Variants in AVEN observed in about 807,000 individuals in gnomAD.
AVEN encodes cell death regulator Aven.
A neutral mutation model predicts 38.1 loss-of-function variants in AVEN; 41 were observed. That is an observed-to-expected ratio of 1.08 (90% CI 0.84 to 1.40). The LOEUF is 1.40. Among genes scored for constraint, AVEN ranks in the 40% most tolerant of loss-of-function variants. AVEN has a pLI of 0.00. For synonymous variants in AVEN, 206 were observed against 171.8 expected, an observed-to-expected ratio of 1.20 and a Z score of -1.56; for missense variants, 605 against 438.8, an observed-to-expected ratio of 1.38 and a Z score of -3.38.
chr15:33,860,277 A>AG (rs1165995962), intron 11 of AVEN, among the ~76,000 whole-genome samples: 3 of 152,172 alleles, frequency 2.0e-5, no homozygotes, highest in South Asian at 2.1e-4. Flanking sequence ...CTAGGAGAAG[A>AG]GGGAGAGCCT....
downstream of AVEN, among the ~76,000 whole-genome samples, chr15:33,862,783 G>A (rs184432137): frequency 6.6e-6 from 1 of 152,012 alleles, no homozygotes; most frequent in Non-Finnish European, 1.5e-5. Flanking sequence ...GCTAATTTTT[G>A]TATTTTTAGT....
intron 2 of AVEN, among the ~76,000 whole-genome samples, chr15:34,000,917 A>G (rs1385106878): frequency 6.6e-6 from 1 of 152,202 alleles, no homozygotes; most frequent in East Asian, 1.9e-4. Flanking sequence ...AGAAAAATAC[A>G]TGAGAGACTC....
At chr15:33,863,481 C>G (rs1031605001), downstream of AVEN, among the ~76,000 whole-genome samples, 2 of 152,066 alleles carry the variant, frequency 1.3e-5, no homozygotes, top group African/African-American at 4.8e-5. Flanking sequence ...AATCCTTTTC[C>G]GGAAGGGCAA....
intron 2 of AVEN, among the ~76,000 whole-genome samples, chr15:33,997,996 A>G (rs1292837645): frequency 6.6e-6 from 1 of 152,094 alleles, no homozygotes. Context: ...TTCCTTGACA[A>G]CTATTTCTTA....
At chr15:33,968,381 C>A (rs1895479378) in intron 2 of AVEN, among the ~76,000 whole-genome samples, 1 of 152,112 alleles carries the variant, frequency 6.6e-6, no homozygotes, top group Non-Finnish European at 1.5e-5. Context: ...TCCTTTCTTT[C>A]TTCCTTTCAG....
At chr15:34,013,467 TTGTC>T (rs1353263706) in intron 1 of AVEN, among the ~76,000 whole-genome samples, 3 of 152,226 alleles carry the variant, frequency 2.0e-5, no homozygotes, top group Non-Finnish European at 2.9e-5. Context: ...ATTGTTACAT[TTGTC>T]TGTCCTGCAA....
intron 5 of AVEN, among the ~76,000 whole-genome samples, chr15:34,055,797 T>A (rs1164600305): frequency 6.6e-6 from 1 of 151,954 alleles, no homozygotes; most frequent in East Asian, 1.9e-4. Context: ...CAAGACTCTG[T>A]CACAAAAAAT....
intron 1 of AVEN, among the ~76,000 whole-genome samples, chr15:34,026,084 T>C (rs959695689): frequency 6.6e-6 from 1 of 152,254 alleles, no homozygotes; most frequent in Non-Finnish European, 1.5e-5. Flanking sequence ...ACATAATCCC[T>C]ATATTTTCTC....
intron 2 of AVEN, among the ~76,000 whole-genome samples, chr15:33,973,767 A>G (rs1173962377): frequency 6.6e-6 from 1 of 152,222 alleles, no homozygotes; most frequent in Non-Finnish European, 1.5e-5. Flanking sequence ...TGAGGGCCTT[A>G]AGAGTAAAGA....
intron 5 of AVEN, among the ~76,000 whole-genome samples, 191 bp from the exon 6 acceptor site, chr15:33,866,919 T>TCA (rs1890588507): frequency 6.6e-6 from 1 of 151,916 alleles, no homozygotes; most frequent in South Asian, 2.1e-4. Flanking sequence ...AAGTTGAACT[T>TCA]CACACCTTGC....
At chr15:34,057,152 T>TG (rs1282085836) in intron 5 of AVEN, among the ~76,000 whole-genome samples, 1 of 151,454 alleles carries the variant, frequency 6.6e-6, no homozygotes, top group Non-Finnish European at 1.5e-5. Context: ...GTTTTTTTTT[T>TG]TAGGTGGAGT....
rs1025802940 is a variant in AVEN at position 33,877,575 on chromosome 15, G to A, written c.446-1580C>T. On this transcript the variant is annotated intron_variant, in intron 2 of 5. Transcript: ENST00000306730. The stretch of plus-strand genomic sequence containing the variant: ...CACGCCTACAATCCCAGCACTTCGG[G>A]AAGCCGAGGAGGGTGGATCACTTGA... Among the ~76,000 whole-genome samples, 18 of 152,374 alleles carry A rather than the reference G, an allele frequency of 1.2e-4. No homozygotes were observed. In the East Asian group the frequency reaches 1.9e-3, roughly 16 times the overall value.
intron 4 of AVEN, among the ~76,000 whole-genome samples, chr15:33,869,452 G>C (rs918742819): frequency 7.9e-5 from 12 of 152,052 alleles, no homozygotes; most frequent in African/African-American, 2.9e-4. Flanking sequence ...TTTCCCTGGT[G>C]AGTTCTGCTA....
chr15:33,866,797 T>G (rs1039245779), intron 5 of AVEN, 69 bp from the exon 6 acceptor site: 4 of 1,107,378 alleles, frequency 3.6e-6, no homozygotes, highest in Non-Finnish European at 5.4e-6. Flanking sequence ...TTCAGCCCAA[T>G]TTATTACTTT....
At chr15:33,980,028 A>G (rs182423271) in intron 2 of AVEN, among the ~76,000 whole-genome samples, 1 of 152,324 alleles carries the variant, frequency 6.6e-6, no homozygotes, top group African/African-American at 2.4e-5. Context: ...TAAAGGAAAA[A>G]AAAGAATGAG....
At chr15:34,005,686 A>C (rs1370980789) in intron 1 of AVEN, among the ~76,000 whole-genome samples, 1 of 152,218 alleles carries the variant, frequency 6.6e-6, no homozygotes, top group Admixed American at 6.5e-5. Context: ...TTGTTTGTGC[A>C]GTGTTATTTG....
At chr15:33,989,433 T>A (rs1042069154) in intron 2 of AVEN, among the ~76,000 whole-genome samples, 1 of 147,764 alleles carries the variant, frequency 6.8e-6, no homozygotes. Flanking sequence ...TTCTAACAGC[T>A]GGTTTTGTTT....
chr15:33,983,172 A>G lies in AVEN; in HGVS notation c.445+19860T>C, dbSNP rs11633070. 5.2e-3 allele frequency among the ~76,000 whole-genome samples: 487 copies of G among 93,364 alleles called. 1 individual carries two copies. The highest frequency in any genetic ancestry group is 0.029 in the African/African-American group (434 of 15,202). The allele number at this position is 93,364 out of a possible 152,430, so 61.3% of individuals were successfully genotyped here. On this transcript the variant is annotated intron_variant, in intron 2 of 5. Coordinates refer to ENST00000306730, the MANE Select transcript of AVEN (RefSeq NM_020371.3). ...TGTGTGTGTGTGTATGTGTGTGTGTATATATACACACGTGTGTGTATGTGT... is the reference window on the plus strand; with the variant it reads ...TGTGTGTGTGTGTATGTGTGTGTGTGTATATACACACGTGTGTGTATGTGT...
chr15:33,915,625 G>A (rs530447379), intron 2 of AVEN, among the ~76,000 whole-genome samples: 1 of 152,220 alleles, frequency 6.6e-6, no homozygotes, highest in Admixed American at 6.5e-5. Context: ...ACTTCCAGCT[G>A]AGCTTTGTAA....
Sources: gnomAD v4.1 joint callset for allele counts (sites outside exome capture counted in the v4.1 genomes callset) on GRCh38, gnomAD v4.1.1 for gene constraint, MANE v1.5 for transcripts, NCBI Gene and HGNC (gene_info 2026-07-23, HGNC 2026-07-21) for gene names.